The following EPB41L3 variants were observed in gnomAD, a reference collection of about 807,000 sequenced individuals.
The protein encoded by EPB41L3 is erythrocyte membrane protein band 4.1 like 3.
Under a neutral mutation model 127.1 loss-of-function variants are expected in EPB41L3, and 57 were observed. That is an observed-to-expected ratio of 0.45 (90% confidence interval 0.36 to 0.56). The LOEUF is 0.56. EPB41L3 is among the 20% of genes least tolerant of loss of function. The pLI is 0.00. For missense variants in EPB41L3, 1,273 were observed against 1,372.2 expected, an observed-to-expected ratio of 0.93 and a Z score of 1.14; for synonymous variants, 572 against 549.5, an observed-to-expected ratio of 1.04 and a Z score of -0.57.
intron 3 of EPB41L3, among the ~76,000 whole-genome samples, chr18:5,594,496 AT>A (rs1301630434): frequency 3.3e-5 from 5 of 152,258 alleles, no homozygotes; most frequent in African/African-American, 7.2e-5. Context: ...ACGGAAAAAA[AT>A]AACATGTAGT....
At chr18:5,552,046 T>C (rs2093973880) in intron 3 of EPB41L3, among the ~76,000 whole-genome samples, 1 of 152,204 alleles carries the variant, frequency 6.6e-6, no homozygotes, top group Non-Finnish European at 1.5e-5. Context: ...AGAGAGGCTA[T>C]AAAAATAAAC....
chr18:5,594,955 G>A (rs2094522531), intron 3 of EPB41L3, among the ~76,000 whole-genome samples: 1 of 152,160 alleles, frequency 6.6e-6, no homozygotes, highest in Admixed American at 6.5e-5. Context: ...AAGACTATAA[G>A]GCAATGCCTT....
chr18:5,621,669 A>C (rs1330506563), intron 1 of EPB41L3, among the ~76,000 whole-genome samples: 1 of 152,208 alleles, frequency 6.6e-6, no homozygotes, highest in Non-Finnish European at 1.5e-5. Flanking sequence ...TGGGCCTGGG[A>C]GGTCAAGGCT....
At chr18:5,447,636 A>T (rs1048844404) in intron 3 of EPB41L3, among the ~76,000 whole-genome samples, 10 of 152,120 alleles carry the variant, frequency 6.6e-5, no homozygotes, top group African/African-American at 2.2e-4. Flanking sequence ...GACCACAGCC[A>T]TTTCTCAACG....
intron 3 of EPB41L3, among the ~76,000 whole-genome samples, chr18:5,600,131 C>A (rs773525067): frequency 1.3e-5 from 2 of 152,004 alleles, no homozygotes; most frequent in Non-Finnish European, 2.9e-5. Flanking sequence ...TAAATAAAAT[C>A]ATTGATCTAA....
At chr18:5,607,850 T>C (rs778396574) in intron 3 of EPB41L3, among the ~76,000 whole-genome samples, 11 of 152,166 alleles carry the variant, frequency 7.2e-5, no homozygotes, top group Non-Finnish European at 1.2e-4. Flanking sequence ...CAAATTCAGA[T>C]GTGCATGGCA....
chr18:5,453,725 C>T (rs1005592746), intron 3 of EPB41L3, among the ~76,000 whole-genome samples: 5 of 152,124 alleles, frequency 3.3e-5, no homozygotes, highest in African/African-American at 1.2e-4. Flanking sequence ...TTTGTGAACT[C>T]CTATTTCTGC....
intron 3 of EPB41L3, among the ~76,000 whole-genome samples, chr18:5,592,310 G>A (rs1394430637): frequency 1.3e-5 from 2 of 152,164 alleles, no homozygotes; most frequent in East Asian, 1.9e-4. Context: ...GGGATTACAG[G>A]TGTATGCCAC....
At chr18:5,542,890 G>A (rs995300365) in intron 1 of EPB41L3, among the ~76,000 whole-genome samples, 11 of 152,326 alleles carry the variant, frequency 7.2e-5, no homozygotes, top group Non-Finnish European at 1.3e-4. Context: ...CGAGATTAGA[G>A]GGGAAATCCG....
At chr18:5,583,958 G>A (rs187154485) in intron 3 of EPB41L3, among the ~76,000 whole-genome samples, 8 of 152,184 alleles carry the variant, frequency 5.3e-5, no homozygotes, top group Admixed American at 2.6e-4. Flanking sequence ...ACAGGCATGC[G>A]CCACCACACC....
chr18:5,447,803 C>A (rs922286343), intron 3 of EPB41L3, among the ~76,000 whole-genome samples: 7 of 152,164 alleles, frequency 4.6e-5, no homozygotes, highest in African/African-American at 1.7e-4. Flanking sequence ...TGGTTCCTCG[C>A]AATTTGATTT....
chr18:5,524,104 TAG>T (rs1169280777), intron 1 of EPB41L3, among the ~76,000 whole-genome samples: 1 of 152,130 alleles, frequency 6.6e-6, no homozygotes, highest in Non-Finnish European at 1.5e-5. Context: ...ACTGAATAAA[TAG>T]AGGCACAGAG....
chr18:5,460,426 C>G (rs895745697), intron 3 of EPB41L3, among the ~76,000 whole-genome samples: 3 of 152,130 alleles, frequency 2.0e-5, no homozygotes, highest in Non-Finnish European at 4.4e-5. Context: ...TTTATCCATA[C>G]CAAAACTCCT....
chr18:5,622,951 A>ATTTT (rs10622515), intron 1 of EPB41L3, among the ~76,000 whole-genome samples: 12,967 of 76,016 alleles, frequency 0.17, 3,205 homozygotes, highest in Non-Finnish European at 0.23. Flanking sequence ...CATAATGCTG[A>ATTTT]TTTTTTTTTT....
At chr18:5,606,910 CTCTCTG>C (rs1568638268) in intron 3 of EPB41L3, among the ~76,000 whole-genome samples, 1 of 113,004 alleles carries the variant, frequency 8.8e-6, no homozygotes, top group Non-Finnish European at 1.9e-5. Flanking sequence ...CTCTCTCTCT[CTCTCTG>C]TCTCTCTCTC....
chr18:5,608,210 C>T (rs566937663), intron 3 of EPB41L3, among the ~76,000 whole-genome samples: 19 of 152,208 alleles, frequency 1.2e-4, no homozygotes, highest in Admixed American at 2.0e-4. Context: ...GATGATGCTG[C>T]GACTCTGTGC....
chr18:5,502,798 T>C (rs967005962), intron 1 of EPB41L3, among the ~76,000 whole-genome samples: 2 of 151,962 alleles, frequency 1.3e-5, no homozygotes, highest in Non-Finnish European at 2.9e-5. Flanking sequence ...TGACCTAAAA[T>C]AGGAAAAAAT....
intron 1 of EPB41L3, among the ~76,000 whole-genome samples, chr18:5,497,515 T>C (rs2091287549): frequency 1.3e-5 from 2 of 152,276 alleles, no homozygotes; most frequent in African/African-American, 4.8e-5. Context: ...CTCCCACAAG[T>C]GTTAGGTCTC....
rs148545359 is a variant in EPB41L3, at chr18:5,480,314, G to A, written c.184-1876C>T. On this transcript the variant is annotated intron_variant, in intron 2 of 22. Transcript: ENST00000341928. The stretch of plus-strand genomic sequence containing the variant: ...TAAGAACTCAAAAATAGCAGACTAA[G>A]TACCTCAAATGAAATGTCAATCATA... Among the ~76,000 whole-genome samples the A allele has an allele frequency of 5.4e-4, 82 of 152,242 alleles. 2 individuals carry two copies. In the East Asian group the frequency reaches 9.8e-3, roughly 18 times the overall value.
Sources: allele counts gnomAD v4.1 joint callset (sites outside exome capture counted in the v4.1 genomes callset), GRCh38; gene constraint gnomAD v4.1.1; transcripts MANE v1.5; gene names NCBI Gene and HGNC (gene_info 2026-07-23, HGNC 2026-07-21).